Variants in GPA33 observed in about 807,000 individuals in gnomAD.
GPA33 encodes the protein glycoprotein A33, also known as cell surface A33 antigen.
A neutral mutation model predicts 35.6 loss-of-function variants in GPA33; 27 were observed. The ratio of observed to expected loss-of-function variants is 0.76; its 90% CI spans 0.56 to 1.04. GPA33 has a LOEUF of 1.04. Ranked by LOEUF, GPA33 falls within the 50% of genes least tolerant of loss-of-function variation. The pLI, the probability that GPA33 is intolerant of heterozygous loss-of-function variation, is 0.00. For missense variants in GPA33, 428 were observed against 411.9 expected (o/e 1.04, Z -0.34); for synonymous variants, 176 against 164.0 (o/e 1.07, Z -0.56).
Position 167,069,024 on chromosome 1 carries a change from C to T in GPA33, c.313G>A (p.Asp105Asn), listed in dbSNP as rs747152203. Residue 105 changes from aspartate (D) to asparagine (N), a missense_variant, in exon 3 of 7, where the codon GAT (aspartate) becomes AAT (asparagine). By Grantham distance (23) the Asp-to-Asn change is conservative (BLOSUM62 1). Coordinates refer to ENST00000367868, the MANE Select transcript of GPA33 (RefSeq NM_005814.3). Reference sequence around the variant, plus strand: ...CCGTTGTCAGCCATGGTCAGCTGATCAATGGTGATGGAGGCATCGGACTGC... The same window carrying T: ...CCGTTGTCAGCCATGGTCAGCTGATTAATGGTGATGGAGGCATCGGACTGC... ...AEQSDASITI[D>N]QLTMADNGTY... is the part of the protein sequence containing the mutation. The T allele has an allele frequency of 5.0e-6, 8 of 1,613,918 alleles. No homozygotes were observed. The African/African-American group carries it at 8.0e-5, about 16-fold the overall frequency.
intron 6 of GPA33, 104 bp from the exon 7 acceptor site, chr1:167,054,570 TC>T: frequency 7.2e-7 from 1 of 1,393,712 alleles, no homozygotes; most frequent in Non-Finnish European, 9.9e-7. Flanking sequence ...CCAGACCTCC[TC>T]CCCACCCACC....
chr1:167,073,931 C>A (rs115398677), intron 1 of GPA33, among the ~76,000 whole-genome samples: 1,836 of 151,958 alleles, frequency 0.012, 57 homozygotes, highest in African/African-American at 0.042. Flanking sequence ...TACTCCCTGG[C>A]GCATAGAAAA....
At chr1:167,088,169 C>G (rs1667091141) in intron 1 of GPA33, among the ~76,000 whole-genome samples, 1 of 152,118 alleles carries the variant, frequency 6.6e-6, no homozygotes, top group Non-Finnish European at 1.5e-5. Context: ...CCAGTAAGTC[C>G]TCTGGAACCC....
At position 167,054,971 on chromosome 1, in the gene GPA33, C is replaced by T. The variant is rs1199378430; in HGVS notation, c.827+5G>A. 6.2e-7 allele frequency: 1 copy of T among 1,614,062 alleles called. No individual in the cohort carries two copies. The highest frequency in any genetic ancestry group is 1.7e-5 in the Admixed American group (1 of 60,030). Reference sequence around the variant, plus strand: ...TTCCAACAGGCTACCAGCCCAGACACTCACGGCCTTGCATCCTCCTTGTCT... The same window carrying T: ...TTCCAACAGGCTACCAGCCCAGACATTCACGGCCTTGCATCCTCCTTGTCT... On this transcript the variant is annotated splice_donor_5th_base_variant and intron_variant, in intron 6 of 6. Coordinates refer to ENST00000367868, the MANE Select transcript of GPA33 (RefSeq NM_005814.3).
intron 3 of GPA33, among the ~76,000 whole-genome samples, chr1:167,065,600 T>A (rs1666574175): frequency 2.0e-5 from 3 of 152,166 alleles, no homozygotes; most frequent in Admixed American, 1.3e-4. Flanking sequence ...GAGTGCATTC[T>A]GATCTCGGCC....
At chr1:167,058,177 T>G (rs2025888) in intron 4 of GPA33, 2 of 151,736 alleles carry the variant, frequency 1.3e-5, no homozygotes, top group African/African-American at 4.8e-5. Context: ...CCAGCCTGAG[T>G]AACAAAGCGA....
chr1:167,056,836 G>GATGCATGTGGTGTGT (rs1391102166), intron 4 of GPA33, among the ~76,000 whole-genome samples: 1 of 6,024 alleles, frequency 1.7e-4, no homozygotes, highest in African/African-American at 7.0e-4. Context: ...TAGTGTGTGT[G>GATGCATGTGGTGTGT]GTGAGTGTGT....
At chr1:167,056,693 G>A (rs56086760) in intron 4 of GPA33, among the ~76,000 whole-genome samples, 6 of 2,766 alleles carry the variant, frequency 2.2e-3, no homozygotes, top group Admixed American at 0.011. Flanking sequence ...GTGTGTGGTG[G>A]GTGTGTGGTG....
intron 1 of GPA33, chr1:167,082,350 A>G (rs1666966542): frequency 4.4e-6 from 2 of 454,644 alleles, no homozygotes; most frequent in Middle Eastern, 3.3e-4. Flanking sequence ...CAATAAAGCC[A>G]ACTAGGAGGT....
intron 4 of GPA33, among the ~76,000 whole-genome samples, chr1:167,060,034 A>G (rs1666400617): frequency 1.3e-5 from 2 of 152,198 alleles, no homozygotes; most frequent in African/African-American, 4.8e-5. Context: ...GGGCTGACCC[A>G]CAGAGGAAGA....
At position 167,072,521 on chromosome 1, in the gene GPA33, A is replaced by T. The variant is rs114743700; in HGVS notation, c.198+864T>A. Among the ~76,000 whole-genome samples, 173 of 152,324 alleles carry T rather than the reference A, an allele frequency of 1.1e-3. 1 individual carries two copies. The highest frequency in any genetic ancestry group is 2.0e-3 in the Non-Finnish European group (138 of 68,030). The stretch of plus-strand genomic sequence containing the variant: ...ATGTTTAATTCACATACCCTTTTTC[A>T]CATGACCCAGAGTTTTAATAATTTA... On this transcript the variant is annotated intron_variant, in intron 2 of 6. Transcript: ENST00000367868.
At chr1:167,058,305 A>C (rs1666358731) in intron 4 of GPA33, 1 of 152,252 alleles carries the variant, frequency 6.6e-6, no homozygotes, top group Non-Finnish European at 1.5e-5. Context: ...AATTCAATAC[A>C]GAAAATCTTT....
Position 167,054,034 on chromosome 1 carries a change from G to A in GPA33, c.*300C>T, listed in dbSNP as rs916576927. 3.4e-5 allele frequency: 14 copies of A among 411,364 alleles called. No individual in the cohort carries two copies. The highest frequency in any genetic ancestry group is 1.1e-4 in the Admixed American group (3 of 26,596). 25.5% of individuals were successfully genotyped at this position (411,364 alleles called of 1,614,324 possible). Reference sequence around the variant, plus strand: ...CATGCTCAGCGCTGTGCTTCCAGGAGCTCCTGCCAACTACGAGGGAAGTGG... The same window carrying A: ...CATGCTCAGCGCTGTGCTTCCAGGAACTCCTGCCAACTACGAGGGAAGTGG... On this transcript the variant is annotated 3_prime_UTR_variant, in exon 7 of 7. Transcript: ENST00000367868.
intron 3 of GPA33, 58 bp downstream of exon 3, chr1:167,068,864 T>C: frequency 7.3e-7 from 1 of 1,362,958 alleles, no homozygotes; most frequent in East Asian, 2.3e-5. Flanking sequence ...CTCTTCTCCC[T>C]GTGCTGCCAC....
chr1:167,079,247 C>T (rs1666879200), intron 1 of GPA33, among the ~76,000 whole-genome samples: 1 of 152,108 alleles, frequency 6.6e-6, no homozygotes, highest in African/African-American at 2.4e-5. Context: ...AATCCCAGCA[C>T]TTTGGGAGGC....
intron 3 of GPA33, among the ~76,000 whole-genome samples, chr1:167,064,145 G>A (rs1039775239): frequency 2.0e-5 from 3 of 152,118 alleles, no homozygotes; most frequent in Non-Finnish European, 2.9e-5. Context: ...TTAGCCGGCC[G>A]TGGTGGCACC....
chr1:167,058,331 C>G (rs1666359253), intron 4 of GPA33: 1 of 152,124 alleles, frequency 6.6e-6, no homozygotes, highest in South Asian at 2.1e-4. Flanking sequence ...CTGATCACAG[C>G]TATAAACGAG....
chr1:167,080,614 C>T (rs1666926296), intron 1 of GPA33, among the ~76,000 whole-genome samples: 1 of 152,236 alleles, frequency 6.6e-6, no homozygotes, highest in Non-Finnish European at 1.5e-5. Flanking sequence ...GAATTAACTT[C>T]TCTGGGCTTC....
In GPA33 at chr1:167,055,076, C is replaced by T. The variant is rs765778378; in HGVS notation, c.727G>A (p.Val243Met). The T allele has an allele frequency of 6.2e-6, 10 of 1,613,598 alleles. No individual in the cohort carries two copies. Among genetic ancestry groups the T allele is most frequent in the Non-Finnish European group, 8.5e-6 (10 of 1,180,016 alleles). The change falls in exon 6 of 7, where the codon GTG (valine) becomes ATG (methionine). Residue 243 changes from valine (V) to methionine (M), a missense_variant. Physicochemically the swap from Val to Met is conservative, Grantham distance 21. Transcript: ENST00000367868. ...MNVALYVGIA[V>M]GVVAALIIIG... ...ATAATGAGGGCTGCAACCACGCCCA[C>T]CGCGATGCCCACATACAGGGCCACG...
Sources: allele counts gnomAD v4.1 joint callset (sites outside exome capture counted in the v4.1 genomes callset), GRCh38; gene constraint gnomAD v4.1.1; transcripts MANE v1.5; gene names NCBI Gene and HGNC (gene_info 2026-07-23, HGNC 2026-07-21).